Variants in RORA observed in about 807,000 individuals in gnomAD.
The protein encoded by RORA is nuclear receptor ROR-alpha.
A neutral mutation model predicts 69.5 loss-of-function variants in RORA; 7 were observed. The ratio of observed to expected loss-of-function variants is 0.10; its 90% CI spans 0.06 to 0.19. RORA has a LOEUF of 0.19. Ranked by LOEUF, RORA falls within the 10% of genes least tolerant of loss-of-function variation. RORA has a pLI of 1.00. For missense variants in RORA, 457 were observed against 663.0 expected, an observed-to-expected ratio of 0.69 and a Z score of 3.41; for synonymous variants, 261 against 240.8, an observed-to-expected ratio of 1.08 and a Z score of -0.78.
chr15:60,825,809 G>A (rs1353297130), intron 1 of RORA, among the ~76,000 whole-genome samples: 4 of 152,184 alleles, frequency 2.6e-5, no homozygotes, highest in Non-Finnish European at 4.4e-5. Flanking sequence ...AGTAGGTATA[G>A]TTTAGATGTA....
At chr15:60,614,812 T>A (rs1457031162) in intron 2 of RORA, 2 of 1,056,686 alleles carry the variant, frequency 1.9e-6, no homozygotes. Flanking sequence ...AATGAGATTA[T>A]ACACACGCAC....
chr15:61,173,439 T>G (rs1362618039), intron 1 of RORA, among the ~76,000 whole-genome samples: 1 of 152,242 alleles, frequency 6.6e-6, no homozygotes, highest in Non-Finnish European at 1.5e-5. Context: ...TGTTGGAATT[T>G]TTTAAGCACA....
At chr15:60,498,025 C>G (rs1047418679) in intron 10 of RORA, among the ~76,000 whole-genome samples, 12 of 151,988 alleles carry the variant, frequency 7.9e-5, no homozygotes, top group African/African-American at 2.9e-4. Context: ...TGCCACTGCA[C>G]TCCAGCTTGG....
intron 1 of RORA, among the ~76,000 whole-genome samples, chr15:60,928,496 C>T (rs1892280046): frequency 6.6e-6 from 1 of 152,120 alleles, no homozygotes; most frequent in South Asian, 2.1e-4. Flanking sequence ...ATGGTAGGAC[C>T]TCAGTAAACA....
At chr15:60,567,166 A>G (rs1467192107) in intron 2 of RORA, among the ~76,000 whole-genome samples, 2 of 151,884 alleles carry the variant, frequency 1.3e-5, no homozygotes, top group Non-Finnish European at 2.9e-5. Context: ...ATTTCACATT[A>G]AAGTTCAGAT....
At chr15:61,172,478 A>G (rs558164621) in intron 1 of RORA, among the ~76,000 whole-genome samples, 2 of 152,284 alleles carry the variant, frequency 1.3e-5, no homozygotes, top group East Asian at 3.9e-4. Flanking sequence ...AGGGAAACTC[A>G]GGTAGTATAT....
At chr15:60,972,178 C>A (rs1893737034) in intron 1 of RORA, among the ~76,000 whole-genome samples, 1 of 152,146 alleles carries the variant, frequency 6.6e-6, no homozygotes, top group Admixed American at 6.5e-5. Flanking sequence ...TGAATGTTGG[C>A]AAATCCTTCC....
intron 1 of RORA, among the ~76,000 whole-genome samples, chr15:60,844,850 G>T (rs901933345): frequency 1.3e-5 from 2 of 152,196 alleles, no homozygotes; most frequent in Admixed American, 6.5e-5. Flanking sequence ...TTTGAGATAA[G>T]GAGATGAACT....
intron 1 of RORA, among the ~76,000 whole-genome samples, chr15:60,884,864 GT>G (rs1469060626): frequency 6.6e-6 from 1 of 152,216 alleles, no homozygotes; most frequent in Non-Finnish European, 1.5e-5. Context: ...GTGTCTCATT[GT>G]TTTTGAGCAC....
intron 1 of RORA, among the ~76,000 whole-genome samples, chr15:60,901,001 CA>C (rs1302415749): frequency 6.6e-6 from 1 of 152,062 alleles, no homozygotes; most frequent in Non-Finnish European, 1.5e-5. Context: ...TATTCCTTTC[CA>C]CCTCTCCTTA....
At chr15:61,130,894 A>T (rs971660320) in intron 1 of RORA, among the ~76,000 whole-genome samples, 1 of 152,264 alleles carries the variant, frequency 6.6e-6, no homozygotes, top group East Asian at 1.9e-4. Context: ...GAAGGTGAGC[A>T]TCTATCTTCA....
intron 1 of RORA, among the ~76,000 whole-genome samples, chr15:61,172,218 A>G (rs569496456): frequency 1.3e-5 from 2 of 152,276 alleles, no homozygotes; most frequent in South Asian, 2.1e-4. Flanking sequence ...AGAAAAAAAT[A>G]CCCTTTGCAA....
rs1596086387 is a variant in RORA at position 61,226,864 on chromosome 15, T to C, written c.166+2189A>G. ...GACAGACAGGGGCTGGTTCAAAGAA[T>C]GAGTTGGGGTGGGGGCAGAGGGTGG... is the stretch of plus-strand genomic sequence containing the variant. On this transcript the variant is annotated intron_variant, in intron 1 of 10. Transcript: ENST00000335670. This position sits in a 1 kb window ranked among gnomAD's most constrained non-coding sequence, Gnocchi z 4.2. Among the ~76,000 whole-genome samples, 1 of 141,052 alleles carries C rather than the reference T, an allele frequency of 7.1e-6. No individual in the cohort carries two copies. The highest frequency in any genetic ancestry group is 1.5e-5 in the Non-Finnish European group (1 of 65,182). The allele number at this position is 141,052 out of a possible 152,430, so 92.5% of individuals were successfully genotyped here. A position where few individuals can be genotyped will look rare whatever the true frequency, so the allele number is the denominator to read the frequency against.
chr15:60,971,078 G>C (rs576555154), intron 1 of RORA, among the ~76,000 whole-genome samples: 1 of 152,174 alleles, frequency 6.6e-6, no homozygotes, highest in Non-Finnish European at 1.5e-5. Flanking sequence ...GTTAGGATGA[G>C]GGAGTCAAAA....
intron 3 of RORA, among the ~76,000 whole-genome samples, chr15:60,522,141 C>T (rs540152538): frequency 5.3e-5 from 8 of 152,200 alleles, no homozygotes; most frequent in African/African-American, 9.7e-5. Flanking sequence ...TCTGTTATTA[C>T]ACATTAACTG....
intron 1 of RORA, among the ~76,000 whole-genome samples, chr15:60,689,378 T>A (rs1328657569): frequency 6.6e-6 from 1 of 152,216 alleles, no homozygotes; most frequent in African/African-American, 2.4e-5. Context: ...AGCTTCAGAA[T>A]AAACTATGGG....
intron 1 of RORA, among the ~76,000 whole-genome samples, chr15:61,060,930 C>T (rs572489474): frequency 3.9e-5 from 6 of 152,296 alleles, no homozygotes; most frequent in Non-Finnish European, 2.9e-5. Flanking sequence ...GGGCAGCGTG[C>T]GGCCGATGGG....
Position 60,990,646 on chromosome 15 carries a change from A to G in RORA, c.166+238407T>C, listed in dbSNP as rs141446443. ...CAACGGAAAATTTAAAATGTGTGAA[A>G]TATGTTACATATACAATTACAAAGT... On this transcript the variant is annotated intron_variant, in intron 1 of 10. Coordinates refer to ENST00000335670, the MANE Select transcript of RORA (RefSeq NM_134261.3). Among the ~76,000 whole-genome samples the G allele has an allele frequency of 3.7e-3, 570 of 152,290 alleles. 1 individual carries two copies. Among genetic ancestry groups the G allele is most frequent in the Middle Eastern group, 0.027 (8 of 294 alleles).
At chr15:61,059,685 A>G (rs1367586528) in intron 1 of RORA, among the ~76,000 whole-genome samples, 3 of 150,846 alleles carry the variant, frequency 2.0e-5, no homozygotes, top group Non-Finnish European at 4.4e-5. Context: ...CTTCTTCTCA[A>G]TTTTTTTTTA....
Sources: allele counts gnomAD v4.1 joint callset (sites outside exome capture counted in the v4.1 genomes callset), GRCh38; gene constraint gnomAD v4.1.1; non-coding constraint Gnocchi (gnomAD v3.1); transcripts MANE v1.5; gene names NCBI Gene and HGNC (gene_info 2026-07-23, HGNC 2026-07-21).